The following CDH22 variants were observed in gnomAD, a reference collection of about 807,000 sequenced individuals.
CDH22 encodes cadherin 22.
A neutral mutation model predicts 58.4 loss-of-function variants in CDH22; 30 were observed. The observed-to-expected ratio is 0.51, with a 90% CI of 0.38 to 0.70. The LOEUF (loss-of-function observed/expected upper bound fraction) is 0.70. Among genes scored for constraint, CDH22 ranks in the 30% least tolerant of loss-of-function variants. CDH22 has a pLI of 0.00. For missense variants in CDH22, 1,014 were observed against 1,233.9 expected, an observed-to-expected ratio of 0.82 and a Z score of 2.67; for synonymous variants, 513 against 558.2, an observed-to-expected ratio of 0.92 and a Z score of 1.14.
intron 10 of CDH22, among the ~76,000 whole-genome samples, chr20:46,183,224 C>A (rs946633972): frequency 6.6e-6 from 1 of 152,104 alleles, no homozygotes; most frequent in Admixed American, 6.6e-5. Flanking sequence ...GCTGTTGACA[C>A]TAAGCCCCCC....
Position 46,251,289 on chromosome 20 carries a change from C to T in CDH22, c.6G>A (p.Arg2=). 6.9e-7 allele frequency: 1 copy of T among 1,457,320 alleles called. No homozygotes were observed. Among genetic ancestry groups the T allele is most frequent in the Admixed American group, 2.9e-5 (1 of 34,740 alleles). The allele number at this position is 1,457,320 out of a possible 1,614,324, so 90.3% of individuals were successfully genotyped here. The change falls in exon 2 of 12, where the codon AGG becomes AGA. Residue 2 remains arginine (R), a synonymous_variant. Coordinates refer to ENST00000537909, the MANE Select transcript of CDH22 (RefSeq NM_021248.3). The surrounding 1 kb of genome is among the most constrained non-coding windows in gnomAD (Gnocchi z 6.7). M[R]PRPEGRGLRA... Reference sequence around the variant, plus strand: ...GGAGCCCCCTACCTTCGGGCCTCGGCCTCATCCTTGGCCTGCGCGGGGCTG... The same window carrying T: ...GGAGCCCCCTACCTTCGGGCCTCGGTCTCATCCTTGGCCTGCGCGGGGCTG...
In CDH22 at chr20:46,235,290, C is replaced by T. The variant is rs576818064; in HGVS notation, c.550+5673G>A. 9.2e-5 allele frequency among the ~76,000 whole-genome samples: 14 copies of T among 152,324 alleles called. No individual in the cohort carries two copies. In the South Asian group the frequency reaches 2.7e-3, roughly 29 times the overall value. On this transcript the variant is annotated intron_variant, in intron 3 of 11. Transcript: ENST00000537909. ...TGTGAAATCCTCTTGCCATCCCATTCAGGTTGTGACAGCCTAGGGAAGGGG... is the reference window on the plus strand; with the variant it reads ...TGTGAAATCCTCTTGCCATCCCATTTAGGTTGTGACAGCCTAGGGAAGGGG...
At chr20:46,266,592 A>C (rs543986263) in intron 1 of CDH22, among the ~76,000 whole-genome samples, 22 of 152,296 alleles carry the variant, frequency 1.4e-4, no homozygotes, top group Non-Finnish European at 2.6e-4. Flanking sequence ...CGGGATAGTT[A>C]ATTTTTATTG....
intron 1 of CDH22, among the ~76,000 whole-genome samples, chr20:46,265,642 T>C (rs568733800): frequency 5.3e-5 from 8 of 152,324 alleles, no homozygotes; most frequent in African/African-American, 1.4e-4. Flanking sequence ...TCATACTGAA[T>C]GGTCTTTTGC....
At chr20:46,279,730 A>T (rs1194284203) in intron 1 of CDH22, among the ~76,000 whole-genome samples, 1 of 152,232 alleles carries the variant, frequency 6.6e-6, no homozygotes. Context: ...AGCTTCATCG[A>T]CAGTGCCCTG....
chr20:46,301,593 C>T (rs2086652273), intron 1 of CDH22, among the ~76,000 whole-genome samples: 2 of 151,938 alleles, frequency 1.3e-5, no homozygotes, highest in Admixed American at 1.3e-4. Flanking sequence ...GGTGGACCAC[C>T]AGAGGTCAGG....
At chr20:46,265,041 C>T (rs2086452031) in intron 1 of CDH22, among the ~76,000 whole-genome samples, 1 of 152,208 alleles carries the variant, frequency 6.6e-6, no homozygotes. Flanking sequence ...CCCCACCCTG[C>T]CCGTGTGCCG....
intron 1 of CDH22, among the ~76,000 whole-genome samples, chr20:46,267,181 T>C (rs1295198055): frequency 1.3e-5 from 2 of 151,976 alleles, no homozygotes; most frequent in Non-Finnish European, 2.9e-5. Context: ...ACTAGGAAAG[T>C]CTGGTGCCAG....
intron 7 of CDH22, among the ~76,000 whole-genome samples, chr20:46,208,579 GTTTAT>G (rs1365876471): frequency 2.0e-5 from 3 of 151,400 alleles, no homozygotes; most frequent in African/African-American, 2.4e-5. Flanking sequence ...TTATTTTTTA[GTTTAT>G]TTTAATTAAT....
intron 8 of CDH22, 95 bp downstream of exon 8, chr20:46,199,328 T>C: frequency 7.0e-7 from 1 of 1,427,894 alleles, no homozygotes. Flanking sequence ...CTGACAGGGC[T>C]GCCTTGGCCC....
At chr20:46,187,000 T>C in intron 8 of CDH22, 53 bp from the exon 9 acceptor site, 5 of 1,519,262 alleles carry the variant, frequency 3.3e-6, no homozygotes, top group Non-Finnish European at 4.4e-6. Flanking sequence ...GAGATCTAGA[T>C]AGCCTCCTCT....
chr20:46,185,130 T>TACACACACACACACAC, intron 10 of CDH22, among the ~76,000 whole-genome samples: 1 of 148,764 alleles, frequency 6.7e-6, no homozygotes, highest in Middle Eastern at 3.5e-3. Flanking sequence ...CCCACACGCA[T>TACACACACACACACAC]ACACACACAC....
rs894818966 is a variant in CDH22 at position 46,301,220 on chromosome 20, T to TACAC, written c.-400+7031_-400+7034dup. Among the ~76,000 whole-genome samples the TACAC allele has an allele frequency of 6.9e-3, 1,048 of 151,672 alleles. 14 individuals are homozygous for TACAC. The highest frequency in any genetic ancestry group is 0.024 in the African/African-American group (1,002 of 41,376). On this transcript the variant is annotated intron_variant, in intron 1 of 11. Coordinates refer to ENST00000537909, the MANE Select transcript of CDH22 (RefSeq NM_021248.3). ...ATATATAAATTTACACACACACACA[T>TACAC]ACACACACACACAGAGAGAGAATCA...
At chr20:46,287,935 G>C (rs2086583456) in intron 1 of CDH22, among the ~76,000 whole-genome samples, 1 of 152,110 alleles carries the variant, frequency 6.6e-6, no homozygotes, top group Non-Finnish European at 1.5e-5. Context: ...TTGGAGAGGA[G>C]TGGGCTATTT....
At chr20:46,218,139 G>A (rs1457396805) in intron 4 of CDH22, among the ~76,000 whole-genome samples, 1 of 152,108 alleles carries the variant, frequency 6.6e-6, no homozygotes, top group East Asian at 1.9e-4. Flanking sequence ...GGCCAAGCAG[G>A]TCTCAAACTC....
intron 4 of CDH22, 126 bp downstream of exon 4, chr20:46,227,382 C>T: frequency 1.1e-6 from 1 of 884,272 alleles, no homozygotes; most frequent in Admixed American, 2.3e-5. Flanking sequence ...GCACAAGGTG[C>T]CCCCTGTGCT....
chr20:46,268,876 C>A (rs921077600), intron 1 of CDH22, among the ~76,000 whole-genome samples: 15 of 152,230 alleles, frequency 9.9e-5, no homozygotes, highest in Non-Finnish European at 2.9e-5. Flanking sequence ...ACCAAGGAAG[C>A]AGTTGACTCT....
intron 1 of CDH22, among the ~76,000 whole-genome samples, chr20:46,256,196 G>C (rs2086405846): frequency 6.6e-6 from 1 of 152,208 alleles, no homozygotes; most frequent in Non-Finnish European, 1.5e-5. Context: ...AAAAGAAACA[G>C]GTAGAGTCCT....
At position 46,279,667 on chromosome 20, in the gene CDH22, G is replaced by A. The variant is rs898656565; in HGVS notation, c.-399-27974C>T. ...ACATACTAAGCTCATCCTAGGAGCT[G>A]GCGCTGAGGAAGTGGGAGGGGACCA... is the stretch of plus-strand genomic sequence containing the variant. On this transcript the variant is annotated intron_variant, in intron 1 of 11. Coordinates refer to ENST00000537909, the MANE Select transcript of CDH22 (RefSeq NM_021248.3). 1.1e-4 allele frequency among the ~76,000 whole-genome samples: 17 copies of A among 152,218 alleles called. No individual in the cohort carries two copies. In the South Asian group the frequency reaches 2.5e-3, roughly 22 times the overall value.
Sources: gnomAD v4.1 joint callset for allele counts (sites outside exome capture counted in the v4.1 genomes callset) on GRCh38, gnomAD v4.1.1 for gene constraint, Gnocchi (gnomAD v3.1) non-coding constraint, MANE v1.5 for transcripts, NCBI Gene and HGNC (gene_info 2026-07-23, HGNC 2026-07-21) for gene names.